The following BACH2 variants were observed in gnomAD, a reference collection of about 807,000 sequenced individuals.
BACH2 encodes the protein transcription regulator protein BACH2.
BACH2 carries 5 observed loss-of-function variants against 61.8 expected under a neutral mutation model. The ratio of observed to expected loss-of-function variants is 0.08; its 90% CI spans 0.04 to 0.17. The LOEUF (loss-of-function observed/expected upper bound fraction) is 0.17, where lower values mean the gene tolerates loss of function less well. BACH2 is among the 10% of genes least tolerant of loss of function. The pLI is 1.00. For missense variants in BACH2, 824 were observed against 1,091.1 expected, an observed-to-expected ratio of 0.76 and a Z score of 3.45; for synonymous variants, 446 against 440.1, an observed-to-expected ratio of 1.01 and a Z score of -0.17.
intron 3 of BACH2, among the ~76,000 whole-genome samples, chr6:90,208,139 G>A (rs1769214947): frequency 6.6e-6 from 1 of 152,162 alleles, no homozygotes; most frequent in Admixed American, 6.5e-5. Flanking sequence ...TCAGGACATA[G>A]GCATGGGCAA....
chr6:90,120,391 C>A (rs1008032846), intron 4 of BACH2, among the ~76,000 whole-genome samples: 6 of 152,284 alleles, frequency 3.9e-5, no homozygotes, highest in Admixed American at 3.9e-4. Flanking sequence ...AAATAAAAAA[C>A]CCTACTTTAT....
At chr6:89,972,712 A>G (rs1281770176) in intron 6 of BACH2, among the ~76,000 whole-genome samples, 2 of 152,116 alleles carry the variant, frequency 1.3e-5, no homozygotes, top group African/African-American at 4.8e-5. Flanking sequence ...TAGGATTTTT[A>G]AAAACAGCAC....
chr6:89,981,612 A>G (rs1385516567), intron 6 of BACH2, among the ~76,000 whole-genome samples: 1 of 152,248 alleles, frequency 6.6e-6, no homozygotes, highest in Non-Finnish European at 1.5e-5. Context: ...TGAGAAAAAA[A>G]TAAAAAGATC....
intron 4 of BACH2, among the ~76,000 whole-genome samples, chr6:90,134,598 G>C (rs980595008): frequency 5.3e-5 from 8 of 152,220 alleles, no homozygotes; most frequent in African/African-American, 1.7e-4. Flanking sequence ...TAATTATGCA[G>C]CAGAAACAGG....
At chr6:90,013,480 T>G in intron 5 of BACH2, among the ~76,000 whole-genome samples, 1 of 140,890 alleles carries the variant, frequency 7.1e-6, no homozygotes, top group Non-Finnish European at 1.5e-5. Flanking sequence ...TCCCCTCCCC[T>G]CCCCTTGTTT....
chr6:89,974,665 C>T (rs1030949967), intron 6 of BACH2, among the ~76,000 whole-genome samples: 1 of 152,202 alleles, frequency 6.6e-6, no homozygotes, highest in Admixed American at 6.5e-5. Flanking sequence ...TTAGCACCTT[C>T]TGGCCTCGCT....
chr6:90,026,144 A>C (rs528474520), intron 5 of BACH2, among the ~76,000 whole-genome samples: 1 of 152,316 alleles, frequency 6.6e-6, no homozygotes, highest in Admixed American at 6.5e-5. Flanking sequence ...TGCCGAAAAG[A>C]GGGGAGACTG....
intron 4 of BACH2, among the ~76,000 whole-genome samples, chr6:90,135,490 A>G (rs988431742): frequency 1.3e-5 from 2 of 152,144 alleles, no homozygotes; most frequent in African/African-American, 4.8e-5. Context: ...CACTTTGGGA[A>G]GCTGAGGTGG....
At chr6:89,971,919 C>A (rs1775383214) in intron 6 of BACH2, among the ~76,000 whole-genome samples, 1 of 152,152 alleles carries the variant, frequency 6.6e-6, no homozygotes, top group Non-Finnish European at 1.5e-5. Flanking sequence ...TGGGTGGGGA[C>A]ACAGCCAAAC....
chr6:90,159,316 G>A (rs1424053822), intron 4 of BACH2, among the ~76,000 whole-genome samples: 1 of 152,212 alleles, frequency 6.6e-6, no homozygotes, highest in Non-Finnish European at 1.5e-5. Context: ...AGTATCCACT[G>A]CACAGCTGAT....
At chr6:90,058,271 A>G (rs1562408504) in intron 5 of BACH2, among the ~76,000 whole-genome samples, 3 of 152,252 alleles carry the variant, frequency 2.0e-5, no homozygotes, top group South Asian at 2.1e-4. Context: ...CAACTTCAGC[A>G]AAGTCTCAGG....
At chr6:90,115,364 G>A (rs1186421000) in intron 4 of BACH2, among the ~76,000 whole-genome samples, 2 of 152,070 alleles carry the variant, frequency 1.3e-5, no homozygotes, top group African/African-American at 4.8e-5. Flanking sequence ...CAGAAATAAG[G>A]CCACACATCT....
At chr6:89,938,964 C>G (rs1773205537) in intron 7 of BACH2, among the ~76,000 whole-genome samples, 1 of 152,200 alleles carries the variant, frequency 6.6e-6, no homozygotes. Flanking sequence ...ATTCAATTTC[C>G]TCATCTGAAA....
At chr6:90,129,327 A>G (rs1052518372) in intron 4 of BACH2, among the ~76,000 whole-genome samples, 3 of 152,084 alleles carry the variant, frequency 2.0e-5, no homozygotes, top group African/African-American at 4.8e-5. Context: ...TCTCTGTCAC[A>G]TATTTCTTTT....
intron 2 of BACH2, among the ~76,000 whole-genome samples, chr6:90,265,996 T>A (rs1771316650): frequency 6.6e-6 from 1 of 152,152 alleles, no homozygotes; most frequent in Non-Finnish European, 1.5e-5. Context: ...GATACATAAC[T>A]GGACTAAGGC....
chr6:90,070,533 A>G (rs1019777949), intron 5 of BACH2, among the ~76,000 whole-genome samples: 1 of 152,170 alleles, frequency 6.6e-6, no homozygotes, highest in Non-Finnish European at 1.5e-5. Context: ...TCCTGACTGT[A>G]ATTCTGCATG....
At chr6:90,238,802 G>A (rs185929998) in intron 3 of BACH2, among the ~76,000 whole-genome samples, 45 of 152,250 alleles carry the variant, frequency 3.0e-4, no homozygotes, top group African/African-American at 1.0e-3. Context: ...TGTTTCTCAC[G>A]GTGTAAGAAA....
chr6:89,940,012 C>A (rs1562309761), intron 7 of BACH2, among the ~76,000 whole-genome samples: 1 of 151,370 alleles, frequency 6.6e-6, no homozygotes, highest in African/African-American at 2.4e-5. Flanking sequence ...TGAAATATTT[C>A]TTTTCTTTTT....
Position 90,191,403 on chromosome 6 carries a change from C to T in BACH2, c.-162+15166G>A, listed in dbSNP as rs1768566493. Reference sequence around the variant, plus strand: ...AGATGGAACAAATTTTCAACTACTGCATTCATCCGCACATTTGCAAATGGC... The same window carrying T: ...AGATGGAACAAATTTTCAACTACTGTATTCATCCGCACATTTGCAAATGGC... On this transcript the variant is annotated intron_variant, in intron 4 of 8. Transcript: ENST00000257749. Among the ~76,000 whole-genome samples, 5 of 152,228 alleles carry T rather than the reference C, an allele frequency of 3.3e-5. No individual in the cohort carries two copies. In the South Asian group the frequency reaches 1.0e-3, roughly 31 times the overall value.
Sources: allele counts gnomAD v4.1 joint callset (sites outside exome capture counted in the v4.1 genomes callset), GRCh38; gene constraint gnomAD v4.1.1; transcripts MANE v1.5; gene names NCBI Gene and HGNC (gene_info 2026-07-23, HGNC 2026-07-21).